ZER1: variants seen among roughly 807,000 people sequenced by gnomAD.
ZER1 encodes protein zer-1 homolog.
Under a neutral mutation model 78.8 loss-of-function variants are expected in ZER1, and 11 were observed. The observed-to-expected ratio is 0.14, with a 90% CI of 0.09 to 0.23. The LOEUF (loss-of-function observed/expected upper bound fraction) is 0.23, where lower values mean the gene tolerates loss of function less well. ZER1 is among the 10% of genes least tolerant of loss of function. The pLI is 1.00. For missense variants in ZER1, 588 were observed against 996.9 expected (o/e 0.59, Z 5.52); for synonymous variants, 400 against 407.0 (o/e 0.98, Z 0.21).
chr9:128,751,292 C>T lies in ZER1; in HGVS notation c.1039-24G>A. On this transcript the variant is annotated intron_variant, in intron 6 of 15. Coordinates refer to ENST00000291900, the MANE Select transcript of ZER1 (RefSeq NM_006336.4). The surrounding 1 kb of genome is among the most constrained non-coding windows in gnomAD (Gnocchi z 5.4). Reference sequence around the variant, plus strand: ...ACCTGCGGGTGGGACACGCTCAGAACAACCCAGCAGAGGCCAAGGGCTGGG... The same window carrying T: ...ACCTGCGGGTGGGACACGCTCAGAATAACCCAGCAGAGGCCAAGGGCTGGG... The T allele has an allele frequency of 6.2e-7, 1 of 1,601,126 alleles. No individual in the cohort carries two copies.
intron 1 of ZER1, among the ~76,000 whole-genome samples, chr9:128,765,824 C>T (rs1394272633): frequency 1.3e-5 from 2 of 152,096 alleles, no homozygotes; most frequent in African/African-American, 2.4e-5. Context: ...GAAAACCAGA[C>T]GCCACCTGGC....
In ZER1 at chr9:128,753,031, G is replaced by A; in HGVS notation, c.746+133C>T. 5 of 1,198,948 alleles carry A rather than the reference G, an allele frequency of 4.2e-6. No homozygotes were observed. The highest frequency in any genetic ancestry group is 5.7e-6 in the Non-Finnish European group (5 of 876,216). The allele number at this position is 1,198,948 out of a possible 1,614,324, so 74.3% of individuals were successfully genotyped here. A position where few individuals can be genotyped will look rare whatever the true frequency, so the allele number is the denominator to read the frequency against. ...GCTGAAACACTGGGTTTAAGGAATG[G>A]GACTGTGTCTTCATCCCCACCCTCT... On this transcript the variant is annotated intron_variant, in intron 4 of 15. Transcript: ENST00000291900. This position sits in a 1 kb window ranked among gnomAD's most constrained non-coding sequence, Gnocchi z 7.5.
rs550188020 is a variant in ZER1, at chr9:128,755,864, G to A, written c.-94-205C>T. Among the ~76,000 whole-genome samples, 60 of 152,346 alleles carry A rather than the reference G, an allele frequency of 3.9e-4. No homozygotes were observed. Among genetic ancestry groups the A allele is most frequent in the Non-Finnish European group, 7.9e-4 (54 of 68,038 alleles). On this transcript the variant is annotated intron_variant, in intron 1 of 15. Transcript: ENST00000291900. The surrounding 1 kb of genome is among the most constrained non-coding windows in gnomAD (Gnocchi z 5.6). ...CAATTTGACCTGCAAAGAACATGGA[G>A]CCTTGTCCAAGCACTTATTTGCCTG...
At chr9:128,742,830 C>A in intron 8 of ZER1, 85 bp from the exon 9 acceptor site, 1 of 1,386,722 alleles carries the variant, frequency 7.2e-7, no homozygotes, top group South Asian at 1.3e-5. Context: ...GGTATGAGCT[C>A]ATCCAGAGTT....
chr9:128,741,586 G>C lies in ZER1; in HGVS notation c.1686C>G (p.Cys562Trp). 1.2e-6 allele frequency: 2 copies of C among 1,614,150 alleles called. No individual in the cohort carries two copies. The highest frequency in any genetic ancestry group is 1.1e-5 in the South Asian group (1 of 91,090). Residue 562 changes from cysteine (C) to tryptophan (W), a missense_variant, in exon 11 of 16, where the codon TGC (cysteine) becomes TGG (tryptophan). Physicochemically the swap from Cys to Trp is radical, Grantham distance 215. Transcript: ENST00000291900. ...TGCCGTTGAAATTGAGGAACATCTCGCAGTTGTCAGGAGTTTCATCTGTGA... is the reference window on the plus strand; with the variant it reads ...TGCCGTTGAAATTGAGGAACATCTCCCAGTTGTCAGGAGTTTCATCTGTGA... ...WNITDETPDNCEMFLNFNGMK... is the reference protein window; with the variant it reads ...WNITDETPDNWEMFLNFNGMK...
chr9:128,738,005 G>A (rs1281757688), intron 13 of ZER1, among the ~76,000 whole-genome samples: 4 of 151,276 alleles, frequency 2.6e-5, no homozygotes, highest in Non-Finnish European at 4.4e-5. Context: ...GCCCGGCCCT[G>A]TTTTGTTTTC....
rs148038484 is a variant in ZER1, at chr9:128,767,134, G to A, written c.-95+4447C>T. Reference sequence around the variant, plus strand: ...ATTTTTGTATTTTTAGTAGAGACAGGGTTTTGCCATGTTGGCCAGGCTGGT... The same window carrying A: ...ATTTTTGTATTTTTAGTAGAGACAGAGTTTTGCCATGTTGGCCAGGCTGGT... On this transcript the variant is annotated intron_variant, in intron 1 of 15. Transcript: ENST00000291900. 4.0e-3 allele frequency among the ~76,000 whole-genome samples: 488 copies of A among 123,346 alleles called. 8 individuals are homozygous for A. The East Asian group carries it at 0.058, about 15-fold the overall frequency. The allele number at this position is 123,346 out of a possible 152,430, so 80.9% of individuals were successfully genotyped here.
In ZER1 at chr9:128,733,461, CA is replaced by C; in HGVS notation, c.2207del (p.Met736ArgfsTer15). ...CCTTGGTCTCCTGCCGTGCGGTCGC[CA>C]TCTTAATTATGTCCCTCAGAAGGGG... ...GMPLLRDIIK[M>X]ATARQETKEM... On this transcript the variant is annotated frameshift_variant, in exon 15 of 16. Coordinates refer to ENST00000291900, the MANE Select transcript of ZER1 (RefSeq NM_006336.4). LOFTEE classifies it high-confidence loss of function. The C allele has an allele frequency of 6.2e-7, 1 of 1,613,946 alleles. No individual in the cohort carries two copies. The highest frequency in any genetic ancestry group is 8.5e-7 in the Non-Finnish European group (1 of 1,179,964).
In ZER1 at chr9:128,733,538, AG is replaced by A; in HGVS notation, c.2141-11del. ...GGGCAGTACTTGTCCGCTGTGGGAT[AG>A]GAGCAGACAGCAGAGGATCAGGATG... On this transcript the variant is annotated splice_polypyrimidine_tract_variant and intron_variant, in intron 14 of 15. Transcript: ENST00000291900. 1.9e-6 allele frequency: 3 copies of A among 1,610,132 alleles called. No homozygotes were observed. The highest frequency in any genetic ancestry group is 2.5e-6 in the Non-Finnish European group (3 of 1,177,630).
In ZER1 at chr9:128,742,465, AG is replaced by A. The variant is rs1198539028; in HGVS notation, c.1575+64del. The A allele has an allele frequency of 7.0e-6, 11 of 1,577,840 alleles. No homozygotes were observed. In the Admixed American group the frequency reaches 1.7e-4, roughly 24 times the overall value. On this transcript the variant is annotated intron_variant, in intron 9 of 15. Transcript: ENST00000291900. ...AGGCCCTGCTCTGAGACTCTCGCTCAGGGTAGAGGGGTGGGGGAGAGCAGTG... is the reference window on the plus strand; with the variant it reads ...AGGCCCTGCTCTGAGACTCTCGCTCAGGTAGAGGGGTGGGGGAGAGCAGTG...
rs559732320 is a variant in ZER1 at position 128,749,604 on chromosome 9, G to T, written c.1359+1012C>A. ...AGACTGACCAACATGGCAAAACCCC[G>T]TCTCTACTAAAAATACATAAATTAG... is the stretch of plus-strand genomic sequence containing the variant. On this transcript the variant is annotated intron_variant, in intron 8 of 15. Transcript: ENST00000291900. Among the ~76,000 whole-genome samples, 4 of 144,988 alleles carry T rather than the reference G, an allele frequency of 2.8e-5. No homozygotes were observed. In the East Asian group the frequency reaches 8.3e-4, roughly 30 times the overall value.
At chr9:128,735,284 TCTG>T in intron 14 of ZER1, 47 bp downstream of exon 14, 1 of 1,541,380 alleles carries the variant, frequency 6.5e-7, no homozygotes, top group Non-Finnish European at 8.8e-7. Flanking sequence ...TGAGGGCACA[TCTG>T]CTTTCAGCTG....
intron 8 of ZER1, among the ~76,000 whole-genome samples, 174 bp from the exon 9 acceptor site, chr9:128,742,919 A>C (rs1863352904): frequency 1.3e-5 from 2 of 152,190 alleles, no homozygotes; most frequent in African/African-American, 2.4e-5. Flanking sequence ...AATGTGAAAT[A>C]TTCATACAGA....
intron 13 of ZER1, among the ~76,000 whole-genome samples, chr9:128,736,305 C>A (rs1177033522): frequency 1.3e-5 from 2 of 152,078 alleles, no homozygotes; most frequent in African/African-American, 2.4e-5. Flanking sequence ...AGGTTGGTTT[C>A]GAACTCCTGA....
chr9:128,754,027 C>A lies in ZER1; in HGVS notation c.159-68G>T. The A allele has an allele frequency of 6.6e-7, 1 of 1,521,220 alleles. No homozygotes were observed. Among genetic ancestry groups the A allele is most frequent in the South Asian group, 1.2e-5 (1 of 80,594 alleles). The allele number at this position is 1,521,220 out of a possible 1,614,324, so 94.2% of individuals were successfully genotyped here. On this transcript the variant is annotated intron_variant, in intron 2 of 15. Transcript: ENST00000291900. This position sits in a 1 kb window ranked among gnomAD's most constrained non-coding sequence, Gnocchi z 4.3. ...CTCTCATCCTCGCTTCAAAGCCAAG[C>A]CCTCCTCCCCCTGAAGCTTTCTTGG...
chr9:128,738,983 C>T (rs553764197), intron 13 of ZER1, among the ~76,000 whole-genome samples: 2 of 151,346 alleles, frequency 1.3e-5, no homozygotes, highest in African/African-American at 4.8e-5. Context: ...TCCTGAGTAG[C>T]TGGGATTACA....
intron 13 of ZER1, 96 bp from the exon 14 acceptor site, chr9:128,735,527 C>T (rs1863036630): frequency 4.1e-6 from 5 of 1,211,980 alleles, no homozygotes; most frequent in African/African-American, 1.5e-5. Flanking sequence ...ATCCTAGTGA[C>T]CAACCATGAT....
intron 9 of ZER1, 100 bp from the exon 10 acceptor site, chr9:128,741,941 T>C (rs1361599959): frequency 6.7e-7 from 1 of 1,482,492 alleles, no homozygotes; most frequent in Non-Finnish European, 9.4e-7. Flanking sequence ...CCATGGCTAG[T>C]TCAGGAGTCT....
At chr9:128,762,638 C>G (rs1267694012) in intron 1 of ZER1, among the ~76,000 whole-genome samples, 1 of 152,174 alleles carries the variant, frequency 6.6e-6, no homozygotes. Context: ...ATAAAGACAA[C>G]CGTTATTATG....
Sources: gnomAD v4.1 joint callset for allele counts (sites outside exome capture counted in the v4.1 genomes callset) on GRCh38, gnomAD v4.1.1 for gene constraint, Gnocchi (gnomAD v3.1) non-coding constraint, MANE v1.5 for transcripts, NCBI Gene and HGNC (gene_info 2026-07-23, HGNC 2026-07-21) for gene names.